The following ZNF131 variants were observed in gnomAD, a reference collection of about 807,000 sequenced individuals.
ZNF131 encodes zinc finger and BTB domain containing 35.
In ZNF131, 7 loss-of-function variants were observed where a neutral mutation model predicts 60.0. That is an observed-to-expected ratio of 0.12 (90% CI 0.07 to 0.22). ZNF131 has a LOEUF of 0.22. Ranked by LOEUF, ZNF131 falls within the 10% of genes least tolerant of loss-of-function variation. The pLI is 1.00. For synonymous variants in ZNF131, 257 were observed against 253.2 expected, an observed-to-expected ratio of 1.01 and a Z score of -0.14; for missense variants, 493 against 740.9, an observed-to-expected ratio of 0.67 and a Z score of 3.88.
At chr5:43,122,887 A>G (rs1468372724) in intron 2 of ZNF131, among the ~76,000 whole-genome samples, 1 of 152,154 alleles carries the variant, frequency 6.6e-6, no homozygotes, top group Non-Finnish European at 1.5e-5. Context: ...CCTTTTATTT[A>G]GCAGTTTCAA....
intron 5 of ZNF131, among the ~76,000 whole-genome samples, chr5:43,166,946 C>T (rs1024872101): frequency 6.6e-6 from 1 of 152,224 alleles, no homozygotes; most frequent in African/African-American, 2.4e-5. Context: ...GCATGAGCCA[C>T]CGCATCCGGG....
intron 5 of ZNF131, among the ~76,000 whole-genome samples, chr5:43,170,125 C>A (rs1750801231): frequency 6.6e-6 from 1 of 152,096 alleles, no homozygotes; most frequent in South Asian, 2.1e-4. Flanking sequence ...CAATTTGTTT[C>A]CAGGTCTCAC....
At chr5:43,150,496 G>A (rs139332475) in intron 4 of ZNF131, among the ~76,000 whole-genome samples, 6 of 152,034 alleles carry the variant, frequency 3.9e-5, no homozygotes, top group African/African-American at 1.4e-4. Flanking sequence ...CTGACCGTAG[G>A]GACCAGGACC....
intron 5 of ZNF131, among the ~76,000 whole-genome samples, chr5:43,162,152 G>T (rs557482820): frequency 6.6e-6 from 1 of 152,040 alleles, no homozygotes; most frequent in African/African-American, 2.4e-5. Context: ...TTTATGCCTT[G>T]CCCAATTTTT....
At chr5:43,150,574 G>C (rs1162046896) in intron 4 of ZNF131, among the ~76,000 whole-genome samples, 1 of 152,052 alleles carries the variant, frequency 6.6e-6, no homozygotes. Flanking sequence ...CGGATCATCT[G>C]AGGTCAGGAG....
At chr5:43,138,569 T>C (rs1411308056) in intron 3 of ZNF131, among the ~76,000 whole-genome samples, 1 of 152,172 alleles carries the variant, frequency 6.6e-6, no homozygotes, top group East Asian at 1.9e-4. Context: ...GGAGAATCTC[T>C]TGAATCTGGG....
chr5:43,174,807 C>T lies in ZNF131; in HGVS notation c.1546C>T (p.Leu516Phe). The T allele has an allele frequency of 6.2e-7, 1 of 1,614,158 alleles. No individual in the cohort carries two copies. The highest frequency in any genetic ancestry group is 1.3e-5 in the African/African-American group (1 of 75,044). ...GGTGCACGATTCACACATGAGTGAG[C>T]TTCCAGAGCAGGTCCAAGTGAGTTA... ...SQVHDSHMSE[L>F]PEQVQVSYLE... Residue 516 changes from leucine (L) to phenylalanine (F), a missense_variant, in exon 7 of 7, where the codon CTT becomes TTT. This residue lies in a region of ZNF131 where 202 missense variants were observed against 221.3 expected (regional missense o/e 0.91). Coordinates refer to ENST00000682664, the MANE Select transcript of ZNF131 (RefSeq NM_001330707.2).
rs1029461757 is a variant in ZNF131, at chr5:43,172,900, AAAG to A, written c.1055-414_1055-412del. Reference sequence around the variant, plus strand: ...TGGCCTTTGATAGGAAGTTTTTTGCAAAGAAGGACAGTTTATCTTCTTACCTTC... The same window carrying A: ...TGGCCTTTGATAGGAAGTTTTTTGCAAAGGACAGTTTATCTTCTTACCTTC... On this transcript the variant is annotated intron_variant, in intron 5 of 6. Coordinates refer to ENST00000682664, the MANE Select transcript of ZNF131 (RefSeq NM_001330707.2). Among the ~76,000 whole-genome samples, 8 of 152,276 alleles carry A rather than the reference AAAG, an allele frequency of 5.3e-5. No individual in the cohort carries two copies. In the South Asian group the frequency reaches 8.3e-4, roughly 16 times the overall value.
At chr5:43,141,873 A>G (rs544185541) in intron 4 of ZNF131, among the ~76,000 whole-genome samples, 4 of 152,270 alleles carry the variant, frequency 2.6e-5, no homozygotes, top group Admixed American at 2.0e-4. Context: ...TAGGCATGTA[A>G]TATGTTCTGA....
Position 43,175,411 on chromosome 5 carries a change from A to T in ZNF131, c.*278A>T, listed in dbSNP as rs1300290223. ...TTATTATATAGTTGGGTACGAATGT[A>T]TCTATTTTCATTGTGGTAAAAGTTC... On this transcript the variant is annotated 3_prime_UTR_variant, in exon 7 of 7. Coordinates refer to ENST00000682664, the MANE Select transcript of ZNF131 (RefSeq NM_001330707.2). The T allele has an allele frequency of 1.4e-6, 1 of 695,102 alleles. No individual in the cohort carries two copies. The highest frequency in any genetic ancestry group is 2.1e-5 in the Admixed American group (1 of 47,946). 43.1% of individuals were successfully genotyped at this position (695,102 alleles called of 1,614,324 possible).
intron 4 of ZNF131, among the ~76,000 whole-genome samples, chr5:43,141,257 G>C (rs1746787993): frequency 6.6e-6 from 1 of 152,148 alleles, no homozygotes; most frequent in Non-Finnish European, 1.5e-5. Flanking sequence ...TACTCTTGCA[G>C]AGAGACCTGA....
At position 43,170,157 on chromosome 5, in the gene ZNF131, T is replaced by C. The variant is rs147056384; in HGVS notation, c.1055-3161T>C. On this transcript the variant is annotated intron_variant, in intron 5 of 6. Coordinates refer to ENST00000682664, the MANE Select transcript of ZNF131 (RefSeq NM_001330707.2). ...TCACTGATAATGAAAAATTATTCAT[T>C]GATAAAACCACTAAACCATTTAGTG... is the stretch of plus-strand genomic sequence containing the variant. Among the ~76,000 whole-genome samples the C allele has an allele frequency of 6.3e-3, 955 of 150,646 alleles. 9 individuals carry two copies. The highest frequency in any genetic ancestry group is 0.022 in the African/African-American group (918 of 41,506).
intron 3 of ZNF131, among the ~76,000 whole-genome samples, chr5:43,133,959 G>T (rs1160686497): frequency 6.6e-6 from 1 of 152,146 alleles, no homozygotes; most frequent in African/African-American, 2.4e-5. Flanking sequence ...AATGTTAAAA[G>T]AAATTAATGC....
At chr5:43,133,667 G>A (rs2112199772) in intron 3 of ZNF131, among the ~76,000 whole-genome samples, 1 of 152,276 alleles carries the variant, frequency 6.6e-6, no homozygotes, top group East Asian at 1.9e-4. Context: ...TTGAACCTTG[G>A]AGAATTAAAG....
chr5:43,129,349 G>A (rs941998098), intron 3 of ZNF131, among the ~76,000 whole-genome samples: 7 of 152,068 alleles, frequency 4.6e-5, no homozygotes, highest in Non-Finnish European at 8.8e-5. Flanking sequence ...TAGGATTACA[G>A]GCATGAGCCA....
At chr5:43,129,286 G>C (rs79540661) in intron 3 of ZNF131, among the ~76,000 whole-genome samples, 1,673 of 152,212 alleles carry the variant, frequency 0.011, 39 homozygotes, top group African/African-American at 0.038. Context: ...TGCCCATGCT[G>C]GTCTTGAACT....
At chr5:43,161,175 T>C (rs1302225452) in intron 4 of ZNF131, 74 bp from the exon 5 acceptor site, 1 of 1,333,102 alleles carries the variant, frequency 7.5e-7, no homozygotes, top group Non-Finnish European at 1.0e-6. Context: ...TTATTGCCAC[T>C]TTATCAGTTT....
intron 1 of ZNF131, chr5:43,121,532 A>T (rs1379752235): frequency 5.3e-5 from 8 of 152,352 alleles, no homozygotes; most frequent in African/African-American, 1.7e-4. Context: ...CGTCGACGTA[A>T]GTGACGCGCA....
chr5:43,155,698 C>CA (rs1748876621), intron 4 of ZNF131, among the ~76,000 whole-genome samples: 1 of 152,130 alleles, frequency 6.6e-6, no homozygotes. Context: ...GTCCAGCACC[C>CA]AAAGAGTCCA....
Sources: gnomAD v4.1 joint callset for allele counts (sites outside exome capture counted in the v4.1 genomes callset) on GRCh38, gnomAD v4.1.1 for gene constraint, gnomAD v4.1.1 regional missense constraint, MANE v1.5 for transcripts, NCBI Gene and HGNC (gene_info 2026-07-23, HGNC 2026-07-21) for gene names.